FGL1: variants seen among roughly 807,000 people sequenced by gnomAD.
The protein encoded by FGL1 is fibrinogen-like protein 1.
In FGL1, 59 loss-of-function variants were observed where a neutral mutation model predicts 43.7. That is an observed-to-expected ratio of 1.35 (90% confidence interval 1.10 to 1.68). The LOEUF (loss-of-function observed/expected upper bound fraction) is 1.68. Ranked by LOEUF, FGL1 falls within the 40% of genes most tolerant of loss-of-function variation. The pLI is 0.00. For missense variants in FGL1, 596 were observed against 373.0 expected, an observed-to-expected ratio of 1.60 and a Z score of -4.92; for synonymous variants, 192 against 126.5, an observed-to-expected ratio of 1.52 and a Z score of -3.48.
chr8:17,875,497 T>TTCTTTCTTTCTC (rs2053432769), intron 3 of FGL1, among the ~76,000 whole-genome samples: 1 of 6,774 alleles, frequency 1.5e-4, no homozygotes, highest in South Asian at 2.1e-3. Flanking sequence ...CTTTCTTTCT[T>TTCTTTCTTTCTC]TCTTTCTTTC....
intron 1 of FGL1, among the ~76,000 whole-genome samples, chr8:17,893,095 G>C (rs1031483955): frequency 6.6e-6 from 1 of 152,156 alleles, no homozygotes; most frequent in Non-Finnish European, 1.5e-5. Context: ...CAGCTACTGT[G>C]TTGGTTGAGG....
chr8:17,885,366 C>G (rs1332412744), intron 2 of FGL1, 126 bp downstream of exon 2: 2 of 765,652 alleles, frequency 2.6e-6, no homozygotes, highest in Non-Finnish European at 4.3e-6. Context: ...CTACCAGCCT[C>G]TTTGCTTTTC....
chr8:17,868,452 A>G, intron 7 of FGL1, 96 bp downstream of exon 7: 3 of 903,518 alleles, frequency 3.3e-6, no homozygotes, highest in South Asian at 3.3e-5. Context: ...TATTATAAAT[A>G]AAGACTAACA....
intron 7 of FGL1, 108 bp from the exon 8 acceptor site, chr8:17,864,859 C>G (rs1451206239): frequency 2.2e-5 from 21 of 976,014 alleles, no homozygotes; most frequent in Non-Finnish European, 2.8e-5. Context: ...ACTATGAATT[C>G]TGCCATTTTT....
At chr8:17,882,996 A>G (rs1384917084) in intron 2 of FGL1, among the ~76,000 whole-genome samples, 1 of 97,828 alleles carries the variant, frequency 1.0e-5, no homozygotes, top group Non-Finnish European at 1.7e-5. Context: ...TATATATCAT[A>G]TGTAATATAT....
chr8:17,888,133 T>C (rs1230818454), intron 1 of FGL1, among the ~76,000 whole-genome samples: 1 of 151,976 alleles, frequency 6.6e-6, no homozygotes, highest in Non-Finnish European at 1.5e-5. Context: ...ATTAAAATAT[T>C]TGCTTATGTT....
intron 1 of FGL1, among the ~76,000 whole-genome samples, chr8:17,893,125 TG>T: frequency 6.6e-6 from 1 of 152,244 alleles, no homozygotes; most frequent in South Asian, 2.1e-4. Context: ...TGCTTGAACC[TG>T]GGAGACAGAG....
At chr8:17,887,984 G>T (rs1158427150) in intron 1 of FGL1, among the ~76,000 whole-genome samples, 2 of 151,726 alleles carry the variant, frequency 1.3e-5, no homozygotes, top group African/African-American at 4.8e-5. Context: ...AAATTCAATT[G>T]TATATTGAGT....
chr8:17,887,365 G>T (rs1450679558), intron 1 of FGL1, among the ~76,000 whole-genome samples: 1 of 152,132 alleles, frequency 6.6e-6, no homozygotes, highest in Non-Finnish European at 1.5e-5. Context: ...AAAGGTATAG[G>T]CACACTATTC....
chr8:17,886,171 C>T (rs549562512), intron 1 of FGL1, among the ~76,000 whole-genome samples: 5 of 152,182 alleles, frequency 3.3e-5, no homozygotes, highest in African/African-American at 7.2e-5. Flanking sequence ...GAGGCAAAAT[C>T]GTTCTCAGAG....
At position 17,864,691 on chromosome 8, in the gene FGL1, G is replaced by A; in HGVS notation, c.840C>T (p.Asp280=). 2 of 1,613,390 alleles carry A rather than the reference G, an allele frequency of 1.2e-6. No homozygotes were observed. The highest frequency in any genetic ancestry group is 1.1e-5 in the South Asian group (1 of 91,006). The part of the protein sequence containing the change: ...YYSGPYTAKT[D]NGIVWYTWHG... Reference sequence around the variant, plus strand: ...GCCAGGTGTACCAGACAATCCCATTGTCTGTTTTAGCCGTGTAGGGGCCGC... The same window carrying A: ...GCCAGGTGTACCAGACAATCCCATTATCTGTTTTAGCCGTGTAGGGGCCGC... Residue 280 remains aspartate, a synonymous_variant, in exon 8 of 8, where the codon GAC becomes GAT. Coordinates refer to ENST00000427924, the MANE Select transcript of FGL1 (RefSeq NM_004467.4).
Position 17,864,760 on chromosome 8 carries a change from A to C in FGL1, c.780-9T>G. 6.9e-7 allele frequency: 1 copy of C among 1,443,662 alleles called. No individual in the cohort carries two copies. The highest frequency in any genetic ancestry group is 9.2e-7 in the Non-Finnish European group (1 of 1,092,352). 89.4% of individuals were successfully genotyped at this position (1,443,662 alleles called of 1,614,324 possible). ...GGTTTGCAGAGTGACACCTAGTGGA[A>C]GGGAGAAAAAAAAAGAAAACAACAA... On this transcript the variant is annotated splice_polypyrimidine_tract_variant and intron_variant, in intron 7 of 7. Coordinates refer to ENST00000427924, the MANE Select transcript of FGL1 (RefSeq NM_004467.4).
chr8:17,882,747 A>T (rs868731824), intron 2 of FGL1: 12 of 113,884 alleles, frequency 1.1e-4, no homozygotes, highest in African/African-American at 3.6e-4. Flanking sequence ...ATAATATATA[A>T]TATATATAAT....
intron 3 of FGL1, among the ~76,000 whole-genome samples, chr8:17,878,647 C>T (rs956788798): frequency 1.3e-5 from 2 of 152,130 alleles, no homozygotes; most frequent in Middle Eastern, 3.2e-3. Flanking sequence ...TAATAGTATG[C>T]TGTAGAAAAT....
chr8:17,870,777 G>T (rs954022793), intron 5 of FGL1, among the ~76,000 whole-genome samples: 1 of 151,968 alleles, frequency 6.6e-6, no homozygotes, highest in African/African-American at 2.4e-5. Flanking sequence ...ATGGTGGCAC[G>T]TGCCTGTAAT....
At chr8:17,895,050 A>G (rs909571657) in intron 1 of FGL1, among the ~76,000 whole-genome samples, 3 of 151,798 alleles carry the variant, frequency 2.0e-5, no homozygotes, top group South Asian at 4.1e-4. Flanking sequence ...AGATAATCCA[A>G]TAATCAAAAA....
intron 3 of FGL1, among the ~76,000 whole-genome samples, chr8:17,878,004 C>G (rs1343913429): frequency 6.6e-6 from 1 of 151,938 alleles, no homozygotes; most frequent in Non-Finnish European, 1.5e-5. Flanking sequence ...ACTCTGTTAC[C>G]CAGGCAGGTT....
chr8:17,890,250 C>A (rs901415879), intron 1 of FGL1, among the ~76,000 whole-genome samples: 2 of 152,208 alleles, frequency 1.3e-5, no homozygotes, highest in Admixed American at 6.5e-5. Flanking sequence ...AGATTCCAAA[C>A]AATTTTTTAG....
chr8:17,876,749 C>G (rs1033054205), intron 3 of FGL1, among the ~76,000 whole-genome samples: 2 of 152,138 alleles, frequency 1.3e-5, no homozygotes. Flanking sequence ...AAGGATCAAA[C>G]TATTTTCCAG....
Sources: allele counts gnomAD v4.1 joint callset (sites outside exome capture counted in the v4.1 genomes callset), GRCh38; gene constraint gnomAD v4.1.1; transcripts MANE v1.5; gene names NCBI Gene and HGNC (gene_info 2026-07-23, HGNC 2026-07-21).